The following ATG4C variants were observed in gnomAD, a reference collection of about 807,000 sequenced individuals.
ATG4C encodes cysteine protease ATG4C.
Under a neutral mutation model 57.6 loss-of-function variants are expected in ATG4C, and 56 were observed. The ratio of observed to expected loss-of-function variants is 0.97; its 90% CI spans 0.78 to 1.21. The LOEUF (loss-of-function observed/expected upper bound fraction) is 1.21, where lower values mean the gene tolerates loss of function less well. Ranked by LOEUF, ATG4C falls within the 50% of genes most tolerant of loss-of-function variation. ATG4C has a pLI of 0.00. For synonymous variants in ATG4C, 157 were observed against 174.1 expected, an observed-to-expected ratio of 0.90 and a Z score of 0.78; for missense variants, 595 against 529.8, an observed-to-expected ratio of 1.12 and a Z score of -1.21.
chr1:62,835,861 T>C (rs1453029386), intron 9 of ATG4C, among the ~76,000 whole-genome samples: 1 of 152,036 alleles, frequency 6.6e-6, no homozygotes, highest in Non-Finnish European at 1.5e-5. Flanking sequence ...TACAGAATAA[T>C]TGTGCCATGT....
Position 62,829,156 on chromosome 1 carries a change from G to A in ATG4C, c.913G>A (p.Asp305Asn), listed in dbSNP as rs776257529. ...VRLGGERTNTDYLEFVKGILS... is the reference protein window; with the variant it reads ...VRLGGERTNTNYLEFVKGILS... ...ACTTGGTGGAGAAAGAACCAACACC[G>A]ACTACTTAGAATTTGTGAAGGTATG... The change falls in exon 7 of 11, where the codon GAC becomes AAC. Residue 305 changes from aspartate to asparagine, a missense_variant. Coordinates refer to ENST00000317868, the MANE Select transcript of ATG4C (RefSeq NM_032852.4). 5.6e-6 allele frequency: 9 copies of A among 1,612,526 alleles called. No individual in the cohort carries two copies. In the Admixed American group the frequency reaches 6.7e-5, roughly 12 times the overall value.
In ATG4C at chr1:62,865,329, C is replaced by CTT. The variant is rs1338784836; in HGVS notation, c.*1170_*1171insTT. On this transcript the variant is annotated 3_prime_UTR_variant, in exon 11 of 11. Coordinates refer to ENST00000317868, the MANE Select transcript of ATG4C (RefSeq NM_032852.4). ...AGTGTAGAAACGTGACTTATAAAGA[C>CTT]ATAAAATTGTGTATCATCTAAAGTC... is the stretch of plus-strand genomic sequence containing the variant. 1 of 151,730 alleles carries CTT rather than the reference C, an allele frequency of 6.6e-6. No homozygotes were observed. The highest frequency in any genetic ancestry group is 1.5e-5 in the Non-Finnish European group (1 of 67,786). The allele number at this position is 151,730 out of a possible 1,614,324, so 9.4% of individuals were successfully genotyped here.
intron 10 of ATG4C, among the ~76,000 whole-genome samples, chr1:62,862,988 G>A (rs1290193576): frequency 1.3e-5 from 2 of 151,752 alleles, no homozygotes; most frequent in South Asian, 4.2e-4. Flanking sequence ...GTAACTTTTC[G>A]GAATTCCTGT....
At chr1:62,857,955 C>T (rs1666736892) in intron 10 of ATG4C, among the ~76,000 whole-genome samples, 1 of 152,136 alleles carries the variant, frequency 6.6e-6, no homozygotes, top group Non-Finnish European at 1.5e-5. Flanking sequence ...TTTTGCTCTC[C>T]TGCTGTAATG....
chr1:62,839,083 G>C (rs917552366), intron 9 of ATG4C, among the ~76,000 whole-genome samples: 1 of 152,158 alleles, frequency 6.6e-6, no homozygotes, highest in African/African-American at 2.4e-5. Flanking sequence ...TCTAGAGATG[G>C]AGTTTTGTTC....
intron 5 of ATG4C, 38 bp downstream of exon 5, chr1:62,819,373 G>A (rs778987081): frequency 6.6e-7 from 1 of 1,508,312 alleles, no homozygotes; most frequent in Non-Finnish European, 8.9e-7. Flanking sequence ...TGTGACAGAG[G>A]TCCTCAGGAT....
At chr1:62,825,877 G>C (rs1665633173) in intron 6 of ATG4C, among the ~76,000 whole-genome samples, 1 of 151,832 alleles carries the variant, frequency 6.6e-6, no homozygotes, top group African/African-American at 2.4e-5. Flanking sequence ...ATTTAATAGT[G>C]AGTCCTTATT....
At chr1:62,834,244 C>A in intron 8 of ATG4C, 128 bp downstream of exon 8, 2 of 679,390 alleles carry the variant, frequency 2.9e-6, no homozygotes, top group Non-Finnish European at 4.8e-6. Context: ...ATCAGTCCTA[C>A]TATAGCCACT....
At chr1:62,822,658 T>C (rs958214149) in intron 6 of ATG4C, among the ~76,000 whole-genome samples, 1 of 152,240 alleles carries the variant, frequency 6.6e-6, no homozygotes, top group East Asian at 1.9e-4. Flanking sequence ...GTATAATTTT[T>C]ATAGACTATG....
chr1:62,805,175 G>C lies in ATG4C; in HGVS notation c.80G>C (p.Trp27Ser). The C allele has an allele frequency of 6.6e-7, 1 of 1,506,088 alleles. No individual in the cohort carries two copies. Among genetic ancestry groups the C allele is most frequent in the Non-Finnish European group, 8.8e-7 (1 of 1,139,796 alleles). The allele number at this position is 1,506,088 out of a possible 1,614,324, so 93.3% of individuals were successfully genotyped here. A position where few individuals can be genotyped will look rare whatever the true frequency, so the allele number is the denominator to read the frequency against. Residue 27 changes from tryptophan (W) to serine (S), a missense_variant, in exon 3 of 11, where the codon TGG becomes TCG. Coordinates refer to ENST00000317868, the MANE Select transcript of ATG4C (RefSeq NM_032852.4). ...ISAWNNMKYS[W>S]VLKTKTYFSR... is the part of the protein sequence containing the mutation. ...TTCTTTTTTTTTTTTTTGCTAGGTT[G>C]GGTGTTGAAAACAAAGACGTATTTT...
intron 10 of ATG4C, among the ~76,000 whole-genome samples, chr1:62,862,891 C>G (rs930893256): frequency 1.3e-5 from 2 of 151,970 alleles, no homozygotes; most frequent in Non-Finnish European, 2.9e-5. Flanking sequence ...CTGAAATTAT[C>G]TTTTAAAAAC....
In ATG4C at chr1:62,859,800, A is replaced by G. The variant is rs191672306; in HGVS notation, c.1210-4192A>G. On this transcript the variant is annotated intron_variant, in intron 10 of 10. Coordinates refer to ENST00000317868, the MANE Select transcript of ATG4C (RefSeq NM_032852.4). ...AACCTCCGCCTCCCAGGTTCAAGCA[A>G]TTCTCTGCCTCAGCCTCCTGAGTAG... 2.7e-3 allele frequency among the ~76,000 whole-genome samples: 415 copies of G among 152,104 alleles called. 1 individual carries two copies. The highest frequency in any genetic ancestry group is 4.8e-3 in the Admixed American group (73 of 15,278).
intron 10 of ATG4C, among the ~76,000 whole-genome samples, chr1:62,843,183 A>G (rs374701575): frequency 1.3e-3 from 198 of 152,304 alleles, no homozygotes; most frequent in African/African-American, 4.5e-3. Context: ...ATGTGTGCTG[A>G]TATTTTCTAA....
intron 6 of ATG4C, among the ~76,000 whole-genome samples, chr1:62,825,970 C>T (rs1020887820): frequency 3.3e-5 from 5 of 151,990 alleles, no homozygotes; most frequent in African/African-American, 4.8e-5. Context: ...TGCAGTGGCA[C>T]GATCTCAGCT....
At chr1:62,856,195 T>A (rs1666678890) in intron 10 of ATG4C, among the ~76,000 whole-genome samples, 1 of 152,216 alleles carries the variant, frequency 6.6e-6, no homozygotes, top group Non-Finnish European at 1.5e-5. Context: ...GTTTCAGGCT[T>A]ATGTTCACCT....
intron 9 of ATG4C, among the ~76,000 whole-genome samples, chr1:62,835,839 T>G (rs1275942820): frequency 6.6e-6 from 1 of 152,048 alleles, no homozygotes. Context: ...TGATTGGTAC[T>G]GGGGAAGGCA....
intron 10 of ATG4C, among the ~76,000 whole-genome samples, chr1:62,860,490 C>CT (rs1421294416): frequency 2.0e-5 from 3 of 152,134 alleles, no homozygotes; most frequent in African/African-American, 7.2e-5. Flanking sequence ...TGTGACAACA[C>CT]TAGGTGATAG....
intron 1 of ATG4C, among the ~76,000 whole-genome samples, chr1:62,800,193 C>T (rs77436098): frequency 0.039 from 5,965 of 152,200 alleles, 416 homozygotes; most frequent in African/African-American, 0.14. Flanking sequence ...CTGTGGCCTT[C>T]TTTCTTTCAG....
At chr1:62,802,466 A>T (rs1572103611) in intron 1 of ATG4C, among the ~76,000 whole-genome samples, 1 of 95,846 alleles carries the variant, frequency 1.0e-5, no homozygotes, top group Non-Finnish European at 2.2e-5. Context: ...TGCAAATATT[A>T]AAAAAAAAAA....
Sources: gnomAD v4.1 joint callset for allele counts (sites outside exome capture counted in the v4.1 genomes callset) on GRCh38, gnomAD v4.1.1 for gene constraint, MANE v1.5 for transcripts, NCBI Gene and HGNC (gene_info 2026-07-23, HGNC 2026-07-21) for gene names.